GPC5: variants seen among roughly 807,000 people sequenced by gnomAD.
GPC5 encodes the protein glypican-5.
GPC5 carries 47 observed loss-of-function variants against 53.9 expected under a neutral mutation model. That is an observed-to-expected ratio of 0.87 (90% confidence interval 0.69 to 1.11). GPC5 has a LOEUF of 1.11. Ranked by LOEUF, GPC5 falls within the 50% of genes most tolerant of loss-of-function variation. GPC5 has a pLI of 0.00. For missense variants in GPC5, 748 were observed against 713.1 expected, an observed-to-expected ratio of 1.05 and a Z score of -0.56; for synonymous variants, 286 against 263.3, an observed-to-expected ratio of 1.09 and a Z score of -0.84.
chr13:92,163,913 C>G (rs1220740667), intron 7 of GPC5, among the ~76,000 whole-genome samples: 1 of 152,146 alleles, frequency 6.6e-6, no homozygotes, highest in Non-Finnish European at 1.5e-5. Context: ...AACTTACAAT[C>G]ATGGCAGAAG....
At chr13:91,855,439 A>G (rs2038957246) in intron 5 of GPC5, among the ~76,000 whole-genome samples, 1 of 151,730 alleles carries the variant, frequency 6.6e-6, no homozygotes, top group Non-Finnish European at 1.5e-5. Context: ...TTTTCCTGAT[A>G]TTATGGAGTT....
At chr13:91,847,015 C>T (rs914506220) in intron 5 of GPC5, among the ~76,000 whole-genome samples, 4 of 151,766 alleles carry the variant, frequency 2.6e-5, no homozygotes, top group South Asian at 2.1e-4. Flanking sequence ...GTCAGGAGAT[C>T]GAGACCATCC....
chr13:92,527,412 G>T (rs1409681866), intron 7 of GPC5, among the ~76,000 whole-genome samples: 1 of 152,076 alleles, frequency 6.6e-6, no homozygotes, highest in Non-Finnish European at 1.5e-5. Context: ...GCAGAGTATG[G>T]TTAATAGCCA....
intron 2 of GPC5, among the ~76,000 whole-genome samples, chr13:91,660,323 G>T (rs1372312932): frequency 6.6e-6 from 1 of 152,132 alleles, no homozygotes; most frequent in Non-Finnish European, 1.5e-5. Flanking sequence ...TGTATGGTCT[G>T]CCCATTGTCT....
intron 2 of GPC5, among the ~76,000 whole-genome samples, chr13:91,678,329 A>G (rs1315654854): frequency 6.6e-6 from 1 of 152,144 alleles, no homozygotes; most frequent in Non-Finnish European, 1.5e-5. Flanking sequence ...TTATATTAGA[A>G]CATTTGGTGG....
chr13:92,125,858 A>G (rs561095413), intron 6 of GPC5, among the ~76,000 whole-genome samples: 6 of 146,444 alleles, frequency 4.1e-5, no homozygotes, highest in African/African-American at 1.3e-4. Flanking sequence ...GATATATGTG[A>G]GTTGAGTTGG....
At chr13:92,340,611 G>A (rs1295436949) in intron 7 of GPC5, 1 of 152,050 alleles carries the variant, frequency 6.6e-6, no homozygotes, top group Non-Finnish European at 1.5e-5. Context: ...TTTTTACTTG[G>A]AAACATTCCC....
At chr13:92,207,611 T>A (rs1175274798) in intron 7 of GPC5, among the ~76,000 whole-genome samples, 1 of 152,236 alleles carries the variant, frequency 6.6e-6, no homozygotes, top group Non-Finnish European at 1.5e-5. Flanking sequence ...ACCTTCATGT[T>A]GAATTTGAGT....
chr13:91,398,813 A>G lies in GPC5; in HGVS notation c.-234A>G. 2 of 452,616 alleles carry G rather than the reference A, an allele frequency of 4.4e-6. No homozygotes were observed. The highest frequency in any genetic ancestry group is 7.7e-6 in the Non-Finnish European group (2 of 258,510). 28.0% of individuals were successfully genotyped at this position (452,616 alleles called of 1,614,324 possible). A position where few individuals can be genotyped will look rare whatever the true frequency, so the allele number is the denominator to read the frequency against. Reference sequence around the variant, plus strand: ...GCCGCCCACTCTTCTCGGCTAGGGAAGAAGACCAGAGGGTGCTCAGCTGGA... The same window carrying G: ...GCCGCCCACTCTTCTCGGCTAGGGAGGAAGACCAGAGGGTGCTCAGCTGGA... On this transcript the variant is annotated 5_prime_UTR_variant, in exon 1 of 8. Coordinates refer to ENST00000377067, the MANE Select transcript of GPC5 (RefSeq NM_004466.6).
chr13:92,536,187 T>C lies in GPC5; in HGVS notation c.1562-330095T>C, dbSNP rs563022567. Among the ~76,000 whole-genome samples, 11 of 152,274 alleles carry C rather than the reference T, an allele frequency of 7.2e-5. No homozygotes were observed. The East Asian group carries it at 2.1e-3, about 29-fold the overall frequency. On this transcript the variant is annotated intron_variant, in intron 7 of 7. Coordinates refer to ENST00000377067, the MANE Select transcript of GPC5 (RefSeq NM_004466.6). ...ATGCGGTATTATTCTTCATGGCAGA[T>C]AGTAGAATGCAACATTTTTAAAATC...
chr13:91,557,414 AT>A (rs766969014), intron 2 of GPC5, among the ~76,000 whole-genome samples: 17 of 152,054 alleles, frequency 1.1e-4, no homozygotes, highest in Non-Finnish European at 1.8e-4. Context: ...CAGATCTACT[AT>A]TCAGCCCCCA....
intron 4 of GPC5, among the ~76,000 whole-genome samples, chr13:91,755,770 T>C (rs1264302391): frequency 6.6e-6 from 1 of 152,086 alleles, no homozygotes; most frequent in Non-Finnish European, 1.5e-5. Flanking sequence ...CATTACTTTA[T>C]GTTCTTAGAT....
chr13:91,824,032 A>G (rs1321946257), intron 5 of GPC5, among the ~76,000 whole-genome samples: 1 of 152,090 alleles, frequency 6.6e-6, no homozygotes, highest in Non-Finnish European at 1.5e-5. Flanking sequence ...CCAGTACAGA[A>G]TGCATTAGCT....
intron 2 of GPC5, among the ~76,000 whole-genome samples, chr13:91,506,723 A>G (rs1350443348): frequency 1.0e-5 from 1 of 96,906 alleles, no homozygotes; most frequent in Non-Finnish European, 2.9e-5. Flanking sequence ...TTTTAAACAT[A>G]TTTAAAGTAA....
intron 7 of GPC5, among the ~76,000 whole-genome samples, chr13:92,824,984 T>A (rs916793913): frequency 5.3e-5 from 8 of 152,146 alleles, no homozygotes; most frequent in Non-Finnish European, 1.0e-4. Context: ...ATAAAACTTT[T>A]AAAAATTTTT....
chr13:91,691,928 A>G (rs1408207800), intron 2 of GPC5, among the ~76,000 whole-genome samples: 1 of 152,178 alleles, frequency 6.6e-6, no homozygotes, highest in Non-Finnish European at 1.5e-5. Context: ...ATTTTATTGA[A>G]TATATTTTAT....
intron 7 of GPC5, among the ~76,000 whole-genome samples, chr13:92,616,040 C>G (rs1037456996): frequency 6.6e-6 from 1 of 152,074 alleles, no homozygotes; most frequent in African/African-American, 2.4e-5. Flanking sequence ...GGTGACAGAG[C>G]GAGACTCCGT....
rs1331829856 is a variant in GPC5, at chr13:92,241,159, G to C, written c.1561+96170G>C. 2.6e-5 allele frequency: 4 copies of C among 152,008 alleles called. No individual in the cohort carries two copies. The East Asian group carries it at 7.7e-4, about 29-fold the overall frequency. The allele number at this position is 152,008 out of a possible 1,614,324, so 9.4% of individuals were successfully genotyped here. On this transcript the variant is annotated intron_variant, in intron 7 of 7. Transcript: ENST00000377067. ...TTTCTCCAAATTTGATTCCATTGCA[G>C]AATTATTGGTGCAGAATCAAATAAA... is the stretch of plus-strand genomic sequence containing the variant.
intron 7 of GPC5, among the ~76,000 whole-genome samples, chr13:92,203,197 T>C (rs556164219): frequency 5.3e-4 from 80 of 152,074 alleles, no homozygotes; most frequent in African/African-American, 1.8e-3. Flanking sequence ...CGTATGTTTA[T>C]TGCGGCACTA....
Sources: allele counts gnomAD v4.1 joint callset (sites outside exome capture counted in the v4.1 genomes callset), GRCh38; gene constraint gnomAD v4.1.1; transcripts MANE v1.5; gene names NCBI Gene and HGNC (gene_info 2026-07-23, HGNC 2026-07-21).